Variants in TCF7L1 observed in about 807,000 individuals in gnomAD.
The protein encoded by TCF7L1 is transcription factor 7 like 1, also known as transcription factor 7-like 1.
In TCF7L1, 18 loss-of-function variants were observed where a neutral mutation model predicts 63.7. The ratio of observed to expected loss-of-function variants is 0.28; its 90% confidence interval spans 0.20 to 0.42. The LOEUF is 0.42. Among genes scored for constraint, TCF7L1 ranks in the 10% least tolerant of loss-of-function variants. The probability of loss-of-function intolerance (pLI) is 1.00; values close to 1 mark genes in which losing one functional copy is unlikely to be tolerated. For synonymous variants in TCF7L1, 355 were observed against 340.9 expected, an observed-to-expected ratio of 1.04 and a Z score of -0.46; for missense variants, 654 against 779.3, an observed-to-expected ratio of 0.84 and a Z score of 1.91.
At chr2:85,186,346 T>G (rs1332389253) in intron 3 of TCF7L1, 1 of 152,084 alleles carries the variant, frequency 6.6e-6, no homozygotes, top group Non-Finnish European at 1.5e-5. Context: ...GCTCCTCCTT[T>G]CCATGAGGGG....
intron 3 of TCF7L1, among the ~76,000 whole-genome samples, chr2:85,229,865 G>C (rs1036644652): frequency 6.6e-6 from 1 of 152,044 alleles, no homozygotes; most frequent in East Asian, 1.9e-4. Context: ...AAAAATAGCC[G>C]GACGTGGTGG....
chr2:85,206,441 T>C (rs1271430494), intron 3 of TCF7L1, among the ~76,000 whole-genome samples: 1 of 152,236 alleles, frequency 6.6e-6, no homozygotes. Context: ...TCTTCTTGAA[T>C]ACAAAACAGT....
chr2:85,291,634 A>G (rs1681719135), intron 4 of TCF7L1, among the ~76,000 whole-genome samples: 1 of 152,178 alleles, frequency 6.6e-6, no homozygotes, highest in Non-Finnish European at 1.5e-5. Flanking sequence ...GCAGGAGTGC[A>G]ATGGCACATG....
At chr2:85,146,306 A>G (rs531118717) in intron 3 of TCF7L1, among the ~76,000 whole-genome samples, 26 of 152,194 alleles carry the variant, frequency 1.7e-4, no homozygotes, top group African/African-American at 6.3e-4. Flanking sequence ...CCAGCATTCC[A>G]GCTGTGGGGG....
intron 3 of TCF7L1, among the ~76,000 whole-genome samples, chr2:85,164,412 G>A (rs1262470510): frequency 2.0e-5 from 3 of 152,186 alleles, no homozygotes; most frequent in African/African-American, 7.2e-5. Context: ...ATCAGCTGGA[G>A]AGGATTGTGA....
At chr2:85,191,417 C>T (rs1679035986) in intron 3 of TCF7L1, among the ~76,000 whole-genome samples, 1 of 152,262 alleles carries the variant, frequency 6.6e-6, no homozygotes. Flanking sequence ...GATCACCAAA[C>T]CCTGCCTGGC....
intron 3 of TCF7L1, among the ~76,000 whole-genome samples, chr2:85,210,767 C>A (rs1679522659): frequency 6.6e-6 from 1 of 152,302 alleles, no homozygotes; most frequent in Non-Finnish European, 1.5e-5. Context: ...TGCCAGGCAT[C>A]ATTCTAAACA....
At chr2:85,188,388 A>T (rs930102677) in intron 3 of TCF7L1, among the ~76,000 whole-genome samples, 33 of 152,210 alleles carry the variant, frequency 2.2e-4, no homozygotes, top group African/African-American at 8.0e-4. Flanking sequence ...ACATCGGGGG[A>T]GGCTAGGCTA....
chr2:85,210,296 G>A (rs941531759), intron 3 of TCF7L1, among the ~76,000 whole-genome samples: 1 of 152,198 alleles, frequency 6.6e-6, no homozygotes, highest in African/African-American at 2.4e-5. Context: ...GCCCTGCTGG[G>A]GAGGCTGAGG....
At chr2:85,267,701 AAGTT>A (rs1399648151) in intron 3 of TCF7L1, among the ~76,000 whole-genome samples, 1 of 151,864 alleles carries the variant, frequency 6.6e-6, no homozygotes, top group Non-Finnish European at 1.5e-5. Flanking sequence ...AGACTGGGGC[AAGTT>A]AGTTAACCTC....
chr2:85,285,262 T>G (rs2104370785), intron 4 of TCF7L1, among the ~76,000 whole-genome samples: 1 of 151,986 alleles, frequency 6.6e-6, no homozygotes, highest in East Asian at 1.9e-4. Flanking sequence ...TTCTTATTCA[T>G]TAAAAGCTTA....
At chr2:85,164,102 CGGG>C (rs1678354341) in intron 3 of TCF7L1, among the ~76,000 whole-genome samples, 1 of 152,124 alleles carries the variant, frequency 6.6e-6, no homozygotes, top group Non-Finnish European at 1.5e-5. Flanking sequence ...CAGCCTTTAA[CGGG>C]TAGCTGCATA....
chr2:85,204,477 C>T (rs1032549418), intron 3 of TCF7L1, among the ~76,000 whole-genome samples: 33 of 152,138 alleles, frequency 2.2e-4, no homozygotes, highest in Non-Finnish European at 3.7e-4. Flanking sequence ...TTTGTGTGCC[C>T]AAACTAGTCT....
In TCF7L1 at chr2:85,236,173, C is replaced by CCA. The variant is rs1553401969; in HGVS notation, c.442-47322_442-47321insCA. On this transcript the variant is annotated intron_variant, in intron 3 of 11. Coordinates refer to ENST00000282111, the MANE Select transcript of TCF7L1 (RefSeq NM_031283.3). ...GTCTCAAACCACGCCATCCCCCCCC[C>CCA]AAAAAAAACCCAACCTTGAGACTCA... is the stretch of plus-strand genomic sequence containing the variant. Among the ~76,000 whole-genome samples the CCA allele has an allele frequency of 3.3e-3, 475 of 142,528 alleles. 1 individual carries two copies. Among genetic ancestry groups the CCA allele is most frequent in the African/African-American group, 0.011 (452 of 39,810 alleles). 93.5% of individuals were successfully genotyped at this position (142,528 alleles called of 152,430 possible). A position where few individuals can be genotyped will look rare whatever the true frequency, so the allele number is the denominator to read the frequency against.
intron 3 of TCF7L1, among the ~76,000 whole-genome samples, chr2:85,141,950 G>A (rs1677748635): frequency 6.6e-6 from 1 of 152,138 alleles, no homozygotes; most frequent in African/African-American, 2.4e-5. Flanking sequence ...TTGGCAGTAG[G>A]GAGACTGCAG....
rs114035766 is a variant in TCF7L1, at chr2:85,222,909, G to A, written c.442-60586G>A. Reference sequence around the variant, plus strand: ...AGAAATATTTACCAATGAAGTGATAGGCTATCTGGGCTCTGTTTCGAAATA... The same window carrying A: ...AGAAATATTTACCAATGAAGTGATAAGCTATCTGGGCTCTGTTTCGAAATA... On this transcript the variant is annotated intron_variant, in intron 3 of 11. Transcript: ENST00000282111. Among the ~76,000 whole-genome samples the A allele has an allele frequency of 9.9e-3, 1,507 of 152,234 alleles. 24 individuals carry two copies. The highest frequency in any genetic ancestry group is 0.034 in the African/African-American group (1,423 of 41,530).
intron 3 of TCF7L1, among the ~76,000 whole-genome samples, chr2:85,160,503 G>A (rs934816766): frequency 6.6e-6 from 1 of 152,140 alleles, no homozygotes; most frequent in Non-Finnish European, 1.5e-5. Flanking sequence ...GGGATTGCAG[G>A]TGTGAGCTAC....
chr2:85,236,286 G>A (rs1280644711), intron 3 of TCF7L1, among the ~76,000 whole-genome samples: 1 of 152,152 alleles, frequency 6.6e-6, no homozygotes, highest in Non-Finnish European at 1.5e-5. Context: ...ATGGCACTCT[G>A]TCCATACAGG....
rs528865649 is a variant in TCF7L1 at position 85,171,065 on chromosome 2, C to T, written c.441+36615C>T. On this transcript the variant is annotated intron_variant, in intron 3 of 11. Transcript: ENST00000282111. Reference sequence around the variant, plus strand: ...AAAAAAGGTTAATGAACTCACAGTTCCACATGGCTGGGGAGGCCTCACAGC... The same window carrying T: ...AAAAAAGGTTAATGAACTCACAGTTTCACATGGCTGGGGAGGCCTCACAGC... Among the ~76,000 whole-genome samples, 8 of 152,278 alleles carry T rather than the reference C, an allele frequency of 5.3e-5. No homozygotes were observed. In the South Asian group the frequency reaches 1.5e-3, roughly 28 times the overall value.
Sources: allele counts gnomAD v4.1 joint callset (sites outside exome capture counted in the v4.1 genomes callset), GRCh38; gene constraint gnomAD v4.1.1; transcripts MANE v1.5; gene names NCBI Gene and HGNC (gene_info 2026-07-23, HGNC 2026-07-21).